Variants in SPAG16 observed in about 807,000 individuals in gnomAD.
SPAG16 encodes sperm associated antigen 16.
SPAG16 carries 86 observed loss-of-function variants against 80.4 expected under a neutral mutation model. The observed-to-expected ratio is 1.07, with a 90% CI of 0.90 to 1.28. SPAG16 has a LOEUF of 1.28. Among genes scored for constraint, SPAG16 ranks in the 50% most tolerant of loss-of-function variants. The probability of loss-of-function intolerance (pLI) is 0.00; values close to 1 mark genes in which losing one functional copy is unlikely to be tolerated. For synonymous variants in SPAG16, 294 were observed against 265.9 expected (o/e 1.11, Z -1.03); for missense variants, 870 against 765.3 (o/e 1.14, Z -1.61).
At chr2:213,626,169 G>C (rs2061954153) in intron 10 of SPAG16, among the ~76,000 whole-genome samples, 1 of 152,054 alleles carries the variant, frequency 6.6e-6, no homozygotes, top group Admixed American at 6.6e-5. Flanking sequence ...GTGTTTGGAA[G>C]TAAAAAGAAA....
intron 12 of SPAG16, among the ~76,000 whole-genome samples, chr2:213,971,464 T>G (rs1251032909): frequency 1.3e-5 from 2 of 152,066 alleles, no homozygotes; most frequent in Admixed American, 1.3e-4. Flanking sequence ...GAATGCAAAA[T>G]TAACATATTA....
chr2:213,641,277 A>G (rs1316051469), intron 10 of SPAG16, among the ~76,000 whole-genome samples: 6 of 152,184 alleles, frequency 3.9e-5, no homozygotes, highest in Non-Finnish European at 7.3e-5. Flanking sequence ...GGCCAGTCTC[A>G]CTTCTGCTGT....
At chr2:214,176,730 T>C (rs2057096717) in intron 15 of SPAG16, among the ~76,000 whole-genome samples, 1 of 151,202 alleles carries the variant, frequency 6.6e-6, no homozygotes, top group Non-Finnish European at 1.5e-5. Context: ...GGTCAATTTC[T>C]TTTAAAATTT....
At chr2:214,390,849 A>G (rs1291927052) in intron 15 of SPAG16, among the ~76,000 whole-genome samples, 1 of 152,206 alleles carries the variant, frequency 6.6e-6, no homozygotes, top group Non-Finnish European at 1.5e-5. Flanking sequence ...AGGCTTGGCA[A>G]AAGAGACAAG....
chr2:213,903,582 C>T (rs543356020), intron 11 of SPAG16, among the ~76,000 whole-genome samples: 10 of 152,116 alleles, frequency 6.6e-5, no homozygotes, highest in Non-Finnish European at 7.4e-5. Flanking sequence ...TCTCCTAGGC[C>T]TCTGGGTCTG....
At chr2:213,818,377 T>C (rs558972956) in intron 10 of SPAG16, among the ~76,000 whole-genome samples, 8 of 152,262 alleles carry the variant, frequency 5.3e-5, no homozygotes, top group Admixed American at 2.6e-4. Flanking sequence ...TTTTCTTGGC[T>C]CATTCATTTC....
At chr2:213,404,935 C>T (rs888079084) in intron 9 of SPAG16, among the ~76,000 whole-genome samples, 2 of 152,108 alleles carry the variant, frequency 1.3e-5, no homozygotes, top group African/African-American at 4.8e-5. Context: ...GCTTCCAAAG[C>T]TTATGGCTGA....
chr2:213,727,962 CT>C (rs2066849064), intron 10 of SPAG16, among the ~76,000 whole-genome samples: 2 of 151,988 alleles, frequency 1.3e-5, no homozygotes, highest in Non-Finnish European at 2.9e-5. Flanking sequence ...GATTCTTCTT[CT>C]TCAGCCTCCT....
intron 9 of SPAG16, among the ~76,000 whole-genome samples, chr2:213,443,004 T>A (rs763316898): frequency 1.3e-4 from 20 of 152,184 alleles, no homozygotes; most frequent in Non-Finnish European, 2.6e-4. Context: ...GAGACATATC[T>A]GATAAAGGAC....
chr2:213,292,725 CTG>C (rs1378965757), intron 1 of SPAG16, among the ~76,000 whole-genome samples: 1 of 148,896 alleles, frequency 6.7e-6, no homozygotes, highest in Admixed American at 6.6e-5. Flanking sequence ...AAATCTATAA[CTG>C]GAGGGAAATT....
chr2:213,741,927 G>T (rs887121980), intron 10 of SPAG16, among the ~76,000 whole-genome samples: 1 of 151,950 alleles, frequency 6.6e-6, no homozygotes, highest in South Asian at 2.1e-4. Flanking sequence ...CTTCATATGT[G>T]CATGGTTATT....
Position 213,420,373 on chromosome 2 carries a change from T to C in SPAG16, c.942+45254T>C, listed in dbSNP as rs531802310. Among the ~76,000 whole-genome samples, 22 of 152,264 alleles carry C rather than the reference T, an allele frequency of 1.4e-4. 1 individual carries two copies. The South Asian group carries it at 3.9e-3, about 27-fold the overall frequency. On this transcript the variant is annotated intron_variant, in intron 9 of 15. Transcript: ENST00000331683. Reference sequence around the variant, plus strand: ...GTTGCATTTTTCTTCAGAAACTGACTGATAGTACCTGTTTTTGAGATGACA... The same window carrying C: ...GTTGCATTTTTCTTCAGAAACTGACCGATAGTACCTGTTTTTGAGATGACA...
chr2:213,715,838 T>G (rs2066217148), intron 10 of SPAG16, among the ~76,000 whole-genome samples: 1 of 152,170 alleles, frequency 6.6e-6, no homozygotes, highest in Non-Finnish European at 1.5e-5. Context: ...GACTGTTAAC[T>G]ACTGAAAAAA....
At chr2:213,373,462 T>G (rs947250423) in intron 8 of SPAG16, among the ~76,000 whole-genome samples, 1 of 152,196 alleles carries the variant, frequency 6.6e-6, no homozygotes, top group African/African-American at 2.4e-5. Context: ...AAAATTTTAT[T>G]AAAGTGTGTA....
chr2:213,652,370 A>C (rs1018184223), intron 10 of SPAG16, among the ~76,000 whole-genome samples: 15 of 152,126 alleles, frequency 9.9e-5, no homozygotes, highest in Non-Finnish European at 1.5e-4. Context: ...TGTCACAAAC[A>C]CTCATGTTGG....
At chr2:214,039,009 G>C (rs1308464115) in intron 13 of SPAG16, among the ~76,000 whole-genome samples, 2 of 152,128 alleles carry the variant, frequency 1.3e-5, no homozygotes, top group Non-Finnish European at 2.9e-5. Context: ...ACATACGTGT[G>C]CATGTGTCTT....
chr2:213,748,944 C>T (rs961443236), intron 10 of SPAG16, among the ~76,000 whole-genome samples: 6 of 152,008 alleles, frequency 3.9e-5, no homozygotes, highest in African/African-American at 1.2e-4. Flanking sequence ...GTCAGGAGAT[C>T]GAGACCATCC....
In SPAG16 at chr2:214,229,076, T is replaced by C. The variant is rs181752780; in HGVS notation, c.1720+79810T>C. On this transcript the variant is annotated intron_variant, in intron 15 of 15. Transcript: ENST00000331683. ...TCAACAAGTATTATACCAGGGACTATGGTAGGTACAGGAGATACAACCAGA... is the reference window on the plus strand; with the variant it reads ...TCAACAAGTATTATACCAGGGACTACGGTAGGTACAGGAGATACAACCAGA... 7.3e-3 allele frequency among the ~76,000 whole-genome samples: 1,101 copies of C among 151,826 alleles called. 18 individuals carry two copies. The highest frequency in any genetic ancestry group is 0.054 in the South Asian group (262 of 4,826).
chr2:213,712,917 C>T (rs2066064698), intron 10 of SPAG16, among the ~76,000 whole-genome samples: 1 of 152,004 alleles, frequency 6.6e-6, no homozygotes, highest in Admixed American at 6.6e-5. Context: ...CGAAGAAATA[C>T]CTGAGGCTGG....
Sources: allele counts gnomAD v4.1 joint callset (sites outside exome capture counted in the v4.1 genomes callset), GRCh38; gene constraint gnomAD v4.1.1; transcripts MANE v1.5; gene names NCBI Gene and HGNC (gene_info 2026-07-23, HGNC 2026-07-21).